Variants in STAB2 observed in about 807,000 individuals in gnomAD.
STAB2 encodes stabilin 2.
Under a neutral mutation model 338.1 loss-of-function variants are expected in STAB2, and 288 were observed. That is an observed-to-expected ratio of 0.85 (90% CI 0.77 to 0.94). The LOEUF is 0.94. Among genes scored for constraint, STAB2 ranks in the 40% least tolerant of loss-of-function variants. STAB2 has a pLI of 0.00. For synonymous variants in STAB2, 1,202 were observed against 1,193.3 expected (o/e 1.01, Z -0.15); for missense variants, 3,141 against 3,210.1 (o/e 0.98, Z 0.52).
intron 3 of STAB2, among the ~76,000 whole-genome samples, chr12:103,598,848 C>T (rs1234109192): frequency 2.0e-5 from 3 of 152,156 alleles, no homozygotes; most frequent in East Asian, 1.9e-4. Context: ...ATATGATAGA[C>T]CCCATTCCCA....
intron 66 of STAB2, 145 bp from the exon 67 acceptor site, chr12:103,762,129 C>A: frequency 1.9e-6 from 2 of 1,077,830 alleles, no homozygotes; most frequent in Non-Finnish European, 1.3e-6. Context: ...GGTATTAGAC[C>A]CTGGCAGTAA....
intron 3 of STAB2, among the ~76,000 whole-genome samples, chr12:103,608,127 C>A (rs1156549648): frequency 6.6e-6 from 1 of 152,162 alleles, no homozygotes; most frequent in African/African-American, 2.4e-5. Context: ...TTGCATTTCT[C>A]TGATGGCCAG....
In STAB2 at chr12:103,684,898, T is replaced by C. The variant is rs115027025; in HGVS notation, c.2902-91T>C. The C allele has an allele frequency of 6.7e-4, 849 of 1,273,830 alleles. 2 individuals are homozygous for C. The African/African-American group carries it at 0.011, about 17-fold the overall frequency. 78.9% of individuals were successfully genotyped at this position (1,273,830 alleles called of 1,614,324 possible). A position where few individuals can be genotyped will look rare whatever the true frequency, so the allele number is the denominator to read the frequency against. Reference sequence around the variant, plus strand: ...TCTTTCAGCCCCAAATTTGCAGTTATCACCTTAGATGGAGCCTGTCGTCTC... The same window carrying C: ...TCTTTCAGCCCCAAATTTGCAGTTACCACCTTAGATGGAGCCTGTCGTCTC... On this transcript the variant is annotated intron_variant, in intron 26 of 68. Transcript: ENST00000388887.
In STAB2 at chr12:103,612,707, G is replaced by A. The variant is rs148407681; in HGVS notation, c.332-7761G>A. 3.4e-4 allele frequency among the ~76,000 whole-genome samples: 51 copies of A among 152,224 alleles called. 1 individual carries two copies. Among genetic ancestry groups the A allele is most frequent in the African/African-American group, 1.1e-3 (46 of 41,548 alleles). ...AACTCGTCAAAGTCATTCTCCATCC[G>A]GCTTTGTTCCATTGCTGGTGAGGAG... On this transcript the variant is annotated intron_variant, in intron 3 of 68. Coordinates refer to ENST00000388887, the MANE Select transcript of STAB2 (RefSeq NM_017564.10).
intron 41 of STAB2, 106 bp downstream of exon 41, chr12:103,712,549 C>G (rs190135740): frequency 1.9e-5 from 16 of 827,738 alleles, no homozygotes; most frequent in Non-Finnish European, 3.1e-5. Flanking sequence ...TGGTGCCAAC[C>G]ACTGATGGTG....
At chr12:103,620,624 AACACACACACACACAC>A in intron 4 of STAB2, 71 bp downstream of exon 4, 2 of 841,668 alleles carry the variant, frequency 2.4e-6, no homozygotes, top group Non-Finnish European at 3.8e-6. Context: ...ATCCTCCTTA[AACACACACACACACAC>A]ACACACACAC....
At chr12:103,661,800 G>T (rs1253057982) in intron 17 of STAB2, among the ~76,000 whole-genome samples, 1 of 152,128 alleles carries the variant, frequency 6.6e-6, no homozygotes, top group Non-Finnish European at 1.5e-5. Context: ...AGCATGCTGG[G>T]CTGTGTGAGG....
chr12:103,750,644 G>A lies in STAB2; in HGVS notation c.6504G>A (p.Gln2168=). ...ATGGGCTGAACTGTGAGCCGGAGCA[G>A]CTGCCCATTGACCGCTGCTTACAGG... ...VGDGLNCEPE[Q]LPIDRCLQDN... is the part of the protein sequence containing the mutation. Residue 2168 remains glutamine, a synonymous_variant, in exon 60 of 69, where the codon CAG becomes CAA. Coordinates refer to ENST00000388887, the MANE Select transcript of STAB2 (RefSeq NM_017564.10). 1.2e-6 allele frequency: 2 copies of A among 1,614,264 alleles called. No individual in the cohort carries two copies. The highest frequency in any genetic ancestry group is 1.7e-6 in the Non-Finnish European group (2 of 1,180,046).
chr12:103,714,864 C>T (rs1415396199), intron 42 of STAB2, among the ~76,000 whole-genome samples: 3 of 152,168 alleles, frequency 2.0e-5, no homozygotes, highest in Non-Finnish European at 4.4e-5. Context: ...CAGTTATCAA[C>T]TTCAGTAAAT....
chr12:103,662,731 A>T, intron 17 of STAB2, 115 bp from the exon 18 acceptor site: 1 of 1,216,380 alleles, frequency 8.2e-7, no homozygotes, highest in Non-Finnish European at 1.1e-6. Context: ...ATGAAAAGTT[A>T]AGTGATGTTG....
At chr12:103,719,437 A>G (rs1880582288) in intron 44 of STAB2, among the ~76,000 whole-genome samples, 1 of 152,226 alleles carries the variant, frequency 6.6e-6, no homozygotes, top group Admixed American at 6.5e-5. Context: ...ATAGAAATGT[A>G]TTTTCTCACA....
At chr12:103,736,706 C>A (rs1441984175) in intron 52 of STAB2, among the ~76,000 whole-genome samples, 1 of 152,026 alleles carries the variant, frequency 6.6e-6, no homozygotes, top group East Asian at 1.9e-4. Flanking sequence ...AAACAATGAA[C>A]CTCAGAGAGG....
chr12:103,676,038 A>ATT lies in STAB2; in HGVS notation c.2646+19_2646+20dup. ...AGCCGCAATGTGAGTACTGGTCTTC[A>ATT]TTTCCACCCTGCCTGGTTTCTTTTT... On this transcript the variant is annotated intron_variant, in intron 24 of 68. Coordinates refer to ENST00000388887, the MANE Select transcript of STAB2 (RefSeq NM_017564.10). 7.1e-7 allele frequency: 1 copy of ATT among 1,400,966 alleles called. No homozygotes were observed. 86.8% of individuals were successfully genotyped at this position (1,400,966 alleles called of 1,614,324 possible).
At chr12:103,694,842 C>A (rs1384290997) in intron 31 of STAB2, among the ~76,000 whole-genome samples, 1 of 151,982 alleles carries the variant, frequency 6.6e-6, no homozygotes, top group Non-Finnish European at 1.5e-5. Context: ...TTATGCAGAG[C>A]TTGCAAACTC....
chr12:103,701,898 G>A (rs1402218243), intron 34 of STAB2, among the ~76,000 whole-genome samples: 1 of 151,676 alleles, frequency 6.6e-6, no homozygotes, highest in African/African-American at 2.4e-5. Flanking sequence ...GGATTTCTGG[G>A]ATAATATATG....
At chr12:103,671,706 T>A (rs1037937988) in intron 22 of STAB2, among the ~76,000 whole-genome samples, 2 of 152,226 alleles carry the variant, frequency 1.3e-5, no homozygotes, top group African/African-American at 4.8e-5. Context: ...TATTTTTATC[T>A]ATTGTTGTTG....
intron 6 of STAB2, among the ~76,000 whole-genome samples, chr12:103,633,264 T>C (rs370953965): frequency 1.3e-5 from 2 of 152,204 alleles, no homozygotes; most frequent in African/African-American, 4.8e-5. Context: ...AAAAAAATAA[T>C]AATAATTCTG....
Position 103,692,769 on chromosome 12 carries a change from G to T in STAB2, c.3298-43G>T, listed in dbSNP as rs1424657818. ...AGAGATCATCTCAATCCCAAGGTGC[G>T]CTCTATAAAGACTCATCTTCCCACT... On this transcript the variant is annotated intron_variant, in intron 30 of 68. Transcript: ENST00000388887. 4 of 1,524,848 alleles carry T rather than the reference G, an allele frequency of 2.6e-6. No homozygotes were observed. In the East Asian group the frequency reaches 6.8e-5, roughly 26 times the overall value. 94.5% of individuals were successfully genotyped at this position (1,524,848 alleles called of 1,614,324 possible). A position where few individuals can be genotyped will look rare whatever the true frequency, so the allele number is the denominator to read the frequency against.
intron 3 of STAB2, among the ~76,000 whole-genome samples, chr12:103,607,014 G>A (rs10861052): frequency 0.32 from 48,883 of 151,582 alleles, 10,019 homozygotes; most frequent in African/African-American, 0.58. Context: ...AAACAAAAAC[G>A]AAAAAAAAGA....
Sources: allele counts gnomAD v4.1 joint callset (sites outside exome capture counted in the v4.1 genomes callset), GRCh38; gene constraint gnomAD v4.1.1; transcripts MANE v1.5; gene names NCBI Gene and HGNC (gene_info 2026-07-23, HGNC 2026-07-21).